The following FOXO3 variants were observed in gnomAD, a reference collection of about 807,000 sequenced individuals.
FOXO3 encodes forkhead box O3.
A neutral mutation model predicts 41.9 loss-of-function variants in FOXO3; 4 were observed. The ratio of observed to expected loss-of-function variants is 0.10; its 90% CI spans 0.05 to 0.22. The LOEUF is 0.22. FOXO3 is among the 10% of genes least tolerant of loss of function. FOXO3 has a pLI of 1.00. For missense variants in FOXO3, 534 were observed against 906.8 expected (o/e 0.59, Z 5.28); for synonymous variants, 318 against 389.3 (o/e 0.82, Z 2.16).
At chr6:108,573,539 A>G (rs997186340) in intron 1 of FOXO3, among the ~76,000 whole-genome samples, 1 of 152,026 alleles carries the variant, frequency 6.6e-6, no homozygotes, top group Non-Finnish European at 1.5e-5. Flanking sequence ...AATAACTTTT[A>G]AGAATTAGCT....
At chr6:108,657,137 T>C (rs1178516553) in intron 1 of FOXO3, among the ~76,000 whole-genome samples, 1 of 152,240 alleles carries the variant, frequency 6.6e-6, no homozygotes, top group Non-Finnish European at 1.5e-5. Context: ...TAAATTGTTT[T>C]GTAAAAGAGA....
Position 108,684,693 on chromosome 6 carries a change from T to C in FOXO3, c.*4901T>C, listed in dbSNP as rs754618766. ...CTTGGTGTTTGTAGATATTGCCTTG[T>C]GTATTCCACTTAAAACCGTAATCTA... On this transcript the variant is annotated 3_prime_UTR_variant, in exon 3 of 3. Transcript: ENST00000406360. 6.6e-6 allele frequency: 1 copy of C among 152,668 alleles called. No individual in the cohort carries two copies. The highest frequency in any genetic ancestry group is 1.5e-5 in the Non-Finnish European group (1 of 68,038). The allele number at this position is 152,668 out of a possible 1,614,324, so 9.5% of individuals were successfully genotyped here. A position where few individuals can be genotyped will look rare whatever the true frequency, so the allele number is the denominator to read the frequency against.
chr6:108,566,476 C>T (rs1403369859), intron 1 of FOXO3, among the ~76,000 whole-genome samples: 2 of 152,164 alleles, frequency 1.3e-5, no homozygotes, highest in Non-Finnish European at 2.9e-5. Flanking sequence ...GTTTACCATC[C>T]ATTCAAAGAT....
At chr6:108,633,422 C>T (rs927896107) in intron 1 of FOXO3, among the ~76,000 whole-genome samples, 1 of 151,960 alleles carries the variant, frequency 6.6e-6, no homozygotes, top group Admixed American at 6.6e-5. Flanking sequence ...TGTTTATTAT[C>T]AAGAATGTAG....
At chr6:108,569,939 GGGGGT>G (rs1562227785) in intron 1 of FOXO3, among the ~76,000 whole-genome samples, 2 of 151,080 alleles carry the variant, frequency 1.3e-5, no homozygotes, top group African/African-American at 4.9e-5. Context: ...AAAACCATTA[GGGGGT>G]GGGGTGGGGT....
intron 2 of FOXO3, among the ~76,000 whole-genome samples, chr6:108,679,289 A>G (rs998801667): frequency 6.8e-6 from 1 of 147,438 alleles, no homozygotes; most frequent in African/African-American, 2.5e-5. Context: ...CCTTTATAGA[A>G]AGTGGCCATT....
intron 1 of FOXO3, chr6:108,656,403 T>C: frequency 8.1e-6 from 8 of 985,276 alleles, no homozygotes; most frequent in Non-Finnish European, 9.6e-6. Context: ...GGACGTAGGG[T>C]ACAAAATTTA....
intron 1 of FOXO3, among the ~76,000 whole-genome samples, chr6:108,622,593 C>T (rs947907902): frequency 4.6e-5 from 7 of 152,116 alleles, no homozygotes; most frequent in African/African-American, 1.4e-4. Context: ...TCTGTTGTTG[C>T]TCCTTCCTCC....
chr6:108,589,822 A>T (rs911728839), intron 1 of FOXO3, among the ~76,000 whole-genome samples: 2 of 152,244 alleles, frequency 1.3e-5, no homozygotes, highest in Non-Finnish European at 2.9e-5. Context: ...AATTGTAAGT[A>T]TGTTAAAAAC....
chr6:108,679,162 C>T lies in FOXO3; in HGVS notation c.*35-665C>T, dbSNP rs144018830. ...CTGGGATTACAGGCGTGAGCCACTGCGCCCGGCCCATTTCTTAAATTCTTA... is the reference window on the plus strand; with the variant it reads ...CTGGGATTACAGGCGTGAGCCACTGTGCCCGGCCCATTTCTTAAATTCTTA... On this transcript the variant is annotated intron_variant, in intron 2 of 2. Coordinates refer to ENST00000406360, the MANE Select transcript of FOXO3 (RefSeq NM_001455.4). Among the ~76,000 whole-genome samples, 1,486 of 152,264 alleles carry T rather than the reference C, an allele frequency of 9.8e-3. 23 individuals are homozygous for T. Among genetic ancestry groups the T allele is most frequent in the African/African-American group, 0.034 (1,413 of 41,536 alleles).
chr6:108,560,812 C>A (rs1219482454), upstream of FOXO3: 1 of 416,210 alleles, frequency 2.4e-6, no homozygotes, highest in African/African-American at 2.1e-5. Flanking sequence ...CCCCGCCCCG[C>A]CGCCTAGCCC....
intron 1 of FOXO3, among the ~76,000 whole-genome samples, chr6:108,623,929 T>C (rs1349240660): frequency 6.6e-6 from 1 of 152,246 alleles, no homozygotes; most frequent in African/African-American, 2.4e-5. Context: ...TTCGAAATGA[T>C]TGAGAAATTC....
At position 108,664,383 on chromosome 6, in the gene FOXO3, T is replaced by C; in HGVS notation, c.1550T>C (p.Met517Thr). Residue 517 changes from methionine to threonine, a missense_variant, in exon 2 of 3, where the codon ATG (methionine) becomes ACG (threonine). Physicochemically the swap from Met to Thr is moderately conservative, Grantham distance 81. This residue lies in a region of FOXO3 where 94 missense variants were observed against 214.4 expected (regional missense o/e 0.44). Coordinates refer to ENST00000406360, the MANE Select transcript of FOXO3 (RefSeq NM_001455.4). ...RNVMLRNDPM[M>T]SFAAQPNQGS... Reference sequence around the variant, plus strand: ...GTGATGCTTCGCAATGATCCGATGATGTCCTTTGCTGCCCAGCCTAACCAG... The same window carrying C: ...GTGATGCTTCGCAATGATCCGATGACGTCCTTTGCTGCCCAGCCTAACCAG... 1.9e-6 allele frequency: 3 copies of C among 1,613,800 alleles called. No individual in the cohort carries two copies. Among genetic ancestry groups the C allele is most frequent in the Non-Finnish European group, 2.5e-6 (3 of 1,179,838 alleles).
intron 1 of FOXO3, among the ~76,000 whole-genome samples, chr6:108,562,923 C>G (rs946538584): frequency 1.3e-5 from 2 of 152,158 alleles, no homozygotes; most frequent in South Asian, 2.1e-4. Flanking sequence ...GTGTCAGTAC[C>G]AGGCCAAAGA....
intron 1 of FOXO3, among the ~76,000 whole-genome samples, chr6:108,642,669 T>G (rs1778291230): frequency 2.6e-5 from 4 of 152,312 alleles, no homozygotes; most frequent in African/African-American, 7.2e-5. Context: ...ATAAAAAAAG[T>G]TCGGCAGCTC....
In FOXO3 at chr6:108,679,862, C is replaced by T. The variant is rs1770774872; in HGVS notation, c.*70C>T. The T allele has an allele frequency of 3.9e-5, 6 of 155,044 alleles. No homozygotes were observed. The Admixed American group carries it at 3.9e-4, about 10-fold the overall frequency. 9.6% of individuals were successfully genotyped at this position (155,044 alleles called of 1,614,324 possible). Reference sequence around the variant, plus strand: ...TGACACAAGACCTACAGAGAAAACCCTTTGCCAAATCTGCTCTCAGCAAGT... The same window carrying T: ...TGACACAAGACCTACAGAGAAAACCTTTTGCCAAATCTGCTCTCAGCAAGT... On this transcript the variant is annotated 3_prime_UTR_variant, in exon 3 of 3. Transcript: ENST00000406360.
In FOXO3 at chr6:108,591,502, C is replaced by T. The variant is rs548048812; in HGVS notation, c.621+29673C>T. On this transcript the variant is annotated intron_variant, in intron 1 of 2. Coordinates refer to ENST00000406360, the MANE Select transcript of FOXO3 (RefSeq NM_001455.4). ...CATGAAATCCAAAATTCTAAATCAT[C>T]GGGAAAAAGCAGAAGGGTTGGAACC... 3.3e-5 allele frequency among the ~76,000 whole-genome samples: 5 copies of T among 152,230 alleles called. No individual in the cohort carries two copies. In the South Asian group the frequency reaches 8.3e-4, roughly 25 times the overall value.
At chr6:108,655,492 G>A (rs1487967731) in intron 1 of FOXO3, among the ~76,000 whole-genome samples, 1 of 152,100 alleles carries the variant, frequency 6.6e-6, no homozygotes, top group Non-Finnish European at 1.5e-5. Flanking sequence ...AAAGACCATT[G>A]GTTCTTGGCC....
intron 1 of FOXO3, among the ~76,000 whole-genome samples, chr6:108,631,088 AACTT>A (rs1731066089): frequency 6.6e-6 from 1 of 152,194 alleles, no homozygotes; most frequent in African/African-American, 2.4e-5. Context: ...CTAAGTCTGG[AACTT>A]ACTTTATCAT....
Sources: allele counts gnomAD v4.1 joint callset (sites outside exome capture counted in the v4.1 genomes callset), GRCh38; gene constraint gnomAD v4.1.1; regional missense constraint gnomAD v4.1.1; transcripts MANE v1.5; gene names NCBI Gene and HGNC (gene_info 2026-07-23, HGNC 2026-07-21).